Variants in ADD3 observed in about 807,000 individuals in gnomAD.
The protein encoded by ADD3 is gamma-adducin.
In ADD3, 25 loss-of-function variants were observed where a neutral mutation model predicts 80.2. That is an observed-to-expected ratio of 0.31 (90% CI 0.23 to 0.44). ADD3 has a LOEUF of 0.44. Among genes scored for constraint, ADD3 ranks in the 20% least tolerant of loss-of-function variants. ADD3 has a pLI of 1.00. For missense variants in ADD3, 829 were observed against 847.5 expected (o/e 0.98, Z 0.27); for synonymous variants, 284 against 289.6 (o/e 0.98, Z 0.20).
chr10:110,085,941 A>G (rs1364078706), intron 1 of ADD3, among the ~76,000 whole-genome samples: 3 of 151,990 alleles, frequency 2.0e-5, no homozygotes, highest in Non-Finnish European at 2.9e-5. Context: ...CCCCTTCTCT[A>G]CTAAAAATAC....
At chr10:110,120,581 A>G (rs1055715430) in intron 8 of ADD3, among the ~76,000 whole-genome samples, 1 of 152,136 alleles carries the variant, frequency 6.6e-6, no homozygotes, top group African/African-American at 2.4e-5. Context: ...TCCTTTGGGT[A>G]TATACCCAGT....
intron 1 of ADD3, among the ~76,000 whole-genome samples, chr10:110,092,002 T>A (rs1018117036): frequency 6.6e-6 from 1 of 152,140 alleles, no homozygotes; most frequent in African/African-American, 2.4e-5. Flanking sequence ...ACATCACTAA[T>A]CATCAGAGAA....
chr10:110,101,962 A>AT (rs1366916819), intron 2 of ADD3, among the ~76,000 whole-genome samples: 4 of 152,294 alleles, frequency 2.6e-5, no homozygotes, highest in Non-Finnish European at 4.4e-5. Flanking sequence ...CTGGTAAATC[A>AT]TTTTTGTTGT....
intron 1 of ADD3, among the ~76,000 whole-genome samples, chr10:110,015,094 G>C (rs1292669414): frequency 6.6e-6 from 1 of 152,080 alleles, no homozygotes; most frequent in Non-Finnish European, 1.5e-5. Flanking sequence ...AGGATGGGAA[G>C]GTAGAATTTT....
At chr10:110,078,110 T>C (rs1383635184) in intron 1 of ADD3, among the ~76,000 whole-genome samples, 6 of 152,346 alleles carry the variant, frequency 3.9e-5, no homozygotes, top group African/African-American at 1.4e-4. Flanking sequence ...TTGCTTCAGC[T>C]TCCTCCTTTT....
At chr10:110,094,542 G>A (rs1847934042) in intron 1 of ADD3, among the ~76,000 whole-genome samples, 1 of 152,104 alleles carries the variant, frequency 6.6e-6, no homozygotes, top group African/African-American at 2.4e-5. Flanking sequence ...ACTCAGTGCT[G>A]CTCAATGCCA....
At chr10:110,118,062 ACACACACACAC>A (rs1565013873) in intron 5 of ADD3, among the ~76,000 whole-genome samples, 3 of 140,484 alleles carry the variant, frequency 2.1e-5, no homozygotes, top group Admixed American at 1.4e-4. Flanking sequence ...ACACACACAC[ACACACACACAC>A]AATGTTCATA....
chr10:110,069,701 T>C lies in ADD3; in HGVS notation c.-29-30924T>C, dbSNP rs189784622. 6.6e-5 allele frequency among the ~76,000 whole-genome samples: 10 copies of C among 152,346 alleles called. No individual in the cohort carries two copies. The East Asian group carries it at 1.5e-3, about 24-fold the overall frequency. ...TTAGTATTAACCTAGAACATTCTTA[T>C]GCCTCTTTTCATGGTGATGTGGTGT... On this transcript the variant is annotated intron_variant, in intron 1 of 14. Coordinates refer to ENST00000356080, the MANE Select transcript of ADD3 (RefSeq NM_016824.5).
chr10:110,012,195 C>T (rs773220536), intron 1 of ADD3, among the ~76,000 whole-genome samples: 3 of 152,094 alleles, frequency 2.0e-5, no homozygotes, highest in Non-Finnish European at 4.4e-5. Flanking sequence ...TGAGTACCAA[C>T]AGTATGCATA....
intron 1 of ADD3, among the ~76,000 whole-genome samples, chr10:110,011,315 A>G (rs1329988731): frequency 6.6e-6 from 1 of 152,206 alleles, no homozygotes; most frequent in Non-Finnish European, 1.5e-5. Flanking sequence ...TGTGGCTTAT[A>G]CTTTGTCATT....
At chr10:110,130,610 C>CT in intron 13 of ADD3, 124 bp downstream of exon 13, 1 of 1,021,068 alleles carries the variant, frequency 9.8e-7, no homozygotes, top group East Asian at 2.7e-5. Context: ...AATCCCAGCA[C>CT]TTTGGGAGAC....
chr10:110,099,594 A>G (rs1848571197), intron 1 of ADD3, among the ~76,000 whole-genome samples: 1 of 152,236 alleles, frequency 6.6e-6, no homozygotes, highest in African/African-American at 2.4e-5. Context: ...TCAGTTATGT[A>G]TCTTATATAT....
chr10:110,132,284 A>G (rs768357430), intron 13 of ADD3, 21 bp from the exon 14 acceptor site: 4 of 1,584,170 alleles, frequency 2.5e-6, no homozygotes, highest in Non-Finnish European at 3.5e-6. Context: ...CATGGCTTTT[A>G]ACTAAACTCT....
intron 1 of ADD3, among the ~76,000 whole-genome samples, chr10:110,074,004 A>G (rs1845092782): frequency 6.6e-6 from 1 of 152,040 alleles, no homozygotes; most frequent in South Asian, 2.1e-4. Context: ...TGTCCCACAG[A>G]GCTGAAGCTT....
Position 110,115,102 on chromosome 10 carries a change from G to A in ADD3, c.335-1157G>A, listed in dbSNP as rs900930659. Among the ~76,000 whole-genome samples the A allele has an allele frequency of 2.6e-3, 380 of 145,076 alleles. 3 individuals carry two copies. The highest frequency in any genetic ancestry group is 9.1e-3 in the African/African-American group (354 of 38,984). On this transcript the variant is annotated intron_variant, in intron 3 of 14. Transcript: ENST00000356080. ...CTCTAAAAAAAAAAAAAAAAAAAAA[G>A]GGTGGGGCCAGTTGCAGTGGCTCAG...
In ADD3 at chr10:110,073,138, C is replaced by CTTTTTTTTTTTTTTTTT. The variant is rs1189793476; in HGVS notation, c.-29-27482_-29-27466dup. 4.2e-5 allele frequency among the ~76,000 whole-genome samples: 4 copies of CTTTTTTTTTTTTTTTTT among 94,220 alleles called. 1 individual carries two copies. Among genetic ancestry groups the CTTTTTTTTTTTTTTTTT allele is most frequent in the African/African-American group, 1.4e-4 (3 of 22,072 alleles). The allele number at this position is 94,220 out of a possible 152,430, so 61.8% of individuals were successfully genotyped here. A position where few individuals can be genotyped will look rare whatever the true frequency, so the allele number is the denominator to read the frequency against. On this transcript the variant is annotated intron_variant, in intron 1 of 14. Transcript: ENST00000356080. ...CTTAACCTCTTTGAGTTTTAGTTTT[C>CTTTTTTTTTTTTTTTTT]TTTTTTTTTTTTTTTTTTTTTCGAG...
At chr10:110,104,708 T>A (rs572730070) in intron 2 of ADD3, among the ~76,000 whole-genome samples, 3 of 152,352 alleles carry the variant, frequency 2.0e-5, no homozygotes, top group Non-Finnish European at 2.9e-5. Flanking sequence ...AGTATAATAC[T>A]TTTTTATTAA....
intron 1 of ADD3, among the ~76,000 whole-genome samples, chr10:110,089,551 A>G (rs1196151136): frequency 6.6e-6 from 1 of 152,152 alleles, no homozygotes; most frequent in Non-Finnish European, 1.5e-5. Context: ...AAGGGAATAT[A>G]TATAGAATGT....
At chr10:110,006,042 G>T, upstream of ADD3, 1 of 228,244 alleles carries the variant, frequency 4.4e-6, no homozygotes, top group Non-Finnish European at 8.9e-6. Context: ...GTTGGTCTGA[G>T]GCTGCAGTAG....
Sources: allele counts gnomAD v4.1 joint callset (sites outside exome capture counted in the v4.1 genomes callset), GRCh38; gene constraint gnomAD v4.1.1; transcripts MANE v1.5; gene names NCBI Gene and HGNC (gene_info 2026-07-23, HGNC 2026-07-21).